GNB4: variants seen among roughly 807,000 people sequenced by gnomAD.
GNB4 encodes the protein guanine nucleotide-binding protein subunit beta-4.
A neutral mutation model predicts 45.2 loss-of-function variants in GNB4; 28 were observed. That is an observed-to-expected ratio of 0.62 (90% CI 0.46 to 0.85). The LOEUF (loss-of-function observed/expected upper bound fraction) is 0.85. GNB4 is among the 40% of genes least tolerant of loss of function. The pLI is 0.00. For missense variants in GNB4, 321 were observed against 425.4 expected, an observed-to-expected ratio of 0.75 and a Z score of 2.16; for synonymous variants, 132 against 143.7, an observed-to-expected ratio of 0.92 and a Z score of 0.58.
At chr3:179,475,490 T>C in the GNB4 span, among the ~76,000 whole-genome samples, 3 of 152,056 alleles carry the variant, frequency 2.0e-5, no homozygotes, top group Non-Finnish European at 2.9e-5. Flanking sequence ...ATTTACTTTT[T>C]TGAGACAGAG....
At chr3:179,403,651 G>C (rs1487222098) in intron 9 of GNB4, among the ~76,000 whole-genome samples, 1 of 151,932 alleles carries the variant, frequency 6.6e-6, no homozygotes, top group African/African-American at 2.4e-5. Flanking sequence ...AAATTAGCTG[G>C]GCGTGGTGGT....
At chr3:179,458,885 A>G in the GNB4 span, among the ~76,000 whole-genome samples, 1 of 152,220 alleles carries the variant, frequency 6.6e-6, no homozygotes, top group Non-Finnish European at 1.5e-5. Context: ...ACAGTGCAGA[A>G]TTGAGAATTT....
At chr3:179,462,644 G>T in the GNB4 span, among the ~76,000 whole-genome samples, 1 of 152,130 alleles carries the variant, frequency 6.6e-6, no homozygotes, top group South Asian at 2.1e-4. Flanking sequence ...TTGGAGACCA[G>T]CCTGGCCAAT....
upstream of GNB4, among the ~76,000 whole-genome samples, chr3:179,451,802 G>A (rs1715889970): frequency 6.6e-6 from 1 of 152,160 alleles, no homozygotes; most frequent in African/African-American, 2.4e-5. Context: ...TTTCCTTTCC[G>A]GCGCTGACAG....
chr3:179,464,852 T>A, the GNB4 span: 1 of 1,341,408 alleles, frequency 7.5e-7, no homozygotes, highest in South Asian at 1.2e-5. Flanking sequence ...TTTGGACCAG[T>A]ATTCCATGTT....
At chr3:179,478,603 G>GC in the GNB4 span, among the ~76,000 whole-genome samples, 1 of 152,068 alleles carries the variant, frequency 6.6e-6, no homozygotes, top group African/African-American at 2.4e-5. Context: ...GAGTGCAGTG[G>GC]CATTATCATG....
chr3:179,416,940 T>C (rs1470554087), intron 4 of GNB4, among the ~76,000 whole-genome samples: 1 of 152,150 alleles, frequency 6.6e-6, no homozygotes, highest in African/African-American at 2.4e-5. Flanking sequence ...AAAACACCAA[T>C]TGAGAGCCTG....
At chr3:179,424,018 G>C (rs1715073384) in intron 2 of GNB4, among the ~76,000 whole-genome samples, 1 of 152,018 alleles carries the variant, frequency 6.6e-6, no homozygotes, top group South Asian at 2.1e-4. Flanking sequence ...GCGTGTTCAG[G>C]GAACCAGACT....
chr3:179,432,079 A>G (rs1041948794), intron 1 of GNB4, among the ~76,000 whole-genome samples: 1 of 152,100 alleles, frequency 6.6e-6, no homozygotes, highest in Non-Finnish European at 1.5e-5. Flanking sequence ...ACATGACCCC[A>G]CTTTCTCACA....
chr3:179,438,875 A>G (rs1429983860), intron 1 of GNB4, among the ~76,000 whole-genome samples: 1 of 152,186 alleles, frequency 6.6e-6, no homozygotes, highest in African/African-American at 2.4e-5. Flanking sequence ...GAAGATTTAA[A>G]TACTTGCCCC....
At chr3:179,464,820 TA>T in the GNB4 span, 1 of 1,343,878 alleles carries the variant, frequency 7.4e-7, no homozygotes, top group East Asian at 2.3e-5. Context: ...GGCTTTCATG[TA>T]ATTAATGCAG....
chr3:179,503,321 A>T, the GNB4 span, among the ~76,000 whole-genome samples: 2 of 152,268 alleles, frequency 1.3e-5, no homozygotes, highest in Non-Finnish European at 2.9e-5. Context: ...GGACAGAAGG[A>T]TAAACAGATG....
At chr3:179,465,872 G>A in the GNB4 span, among the ~76,000 whole-genome samples, 3 of 141,056 alleles carry the variant, frequency 2.1e-5, no homozygotes, top group Non-Finnish European at 4.5e-5. Flanking sequence ...TGCCTGGGCT[G>A]GTATTGAACT....
chr3:179,468,035 A>AAAAAAAATATATATATATAT, the GNB4 span, among the ~76,000 whole-genome samples: 409 of 89,844 alleles, frequency 4.6e-3, 21 homozygotes, highest in Middle Eastern at 0.038. Context: ...TGTTGATAAA[A>AAAAAAAATATATATATATAT]ATATATATAT....
At chr3:179,420,276 G>C (rs1364971536) in intron 3 of GNB4, among the ~76,000 whole-genome samples, 3 of 148,594 alleles carry the variant, frequency 2.0e-5, no homozygotes, top group African/African-American at 7.4e-5. Context: ...TTACAGGCAG[G>C]CACCACCATG....
the GNB4 span, among the ~76,000 whole-genome samples, chr3:179,484,763 A>G: frequency 1.3e-5 from 2 of 152,226 alleles, no homozygotes; most frequent in East Asian, 3.9e-4. Flanking sequence ...CATTAGTTAT[A>G]GTACTGCTGG....
chr3:179,508,141 A>G, the GNB4 span, among the ~76,000 whole-genome samples: 1 of 152,200 alleles, frequency 6.6e-6, no homozygotes, highest in Admixed American at 6.5e-5. Flanking sequence ...AAATATGGAC[A>G]TTTTATTTTT....
chr3:179,500,403 C>T, the GNB4 span, among the ~76,000 whole-genome samples: 7 of 152,066 alleles, frequency 4.6e-5, no homozygotes, highest in African/African-American at 1.2e-4. Flanking sequence ...AGATGTGTGG[C>T]GTTATTTCTC....
chr3:179,480,161 C>T, the GNB4 span, among the ~76,000 whole-genome samples: 21 of 152,222 alleles, frequency 1.4e-4, 1 homozygote, highest in Non-Finnish European at 2.9e-5. Context: ...AGAAAGGCCT[C>T]GCCAGATGAC....
Sources: allele counts gnomAD v4.1 joint callset (sites outside exome capture counted in the v4.1 genomes callset), GRCh38; gene constraint gnomAD v4.1.1; transcripts MANE v1.5; gene names NCBI Gene and HGNC (gene_info 2026-07-23, HGNC 2026-07-21).